COG5: variants seen among roughly 807,000 people sequenced by gnomAD.
COG5 encodes conserved oligomeric Golgi complex subunit 5.
COG5 carries 86 observed loss-of-function variants against 110.4 expected under a neutral mutation model. That is an observed-to-expected ratio of 0.78 (90% CI 0.65 to 0.93). The LOEUF is 0.93. Ranked by LOEUF, COG5 falls within the 40% of genes least tolerant of loss-of-function variation. The probability of loss-of-function intolerance (pLI) is 0.00; values close to 1 mark genes in which losing one functional copy is unlikely to be tolerated. For synonymous variants in COG5, 360 were observed against 334.6 expected (o/e 1.08, Z -0.83); for missense variants, 1,077 against 987.0 (o/e 1.09, Z -1.22).
chr7:107,385,988 TTG>T (rs59992824), intron 7 of COG5, among the ~76,000 whole-genome samples: 22,036 of 144,290 alleles, frequency 0.15, 2,210 homozygotes, highest in African/African-American at 0.29. Flanking sequence ...AAACCAGGTT[TTG>T]TGTGTGTGTG....
rs1399633465 is a variant in COG5, at chr7:107,273,922, G to T, written c.1575+7378C>A. Among the ~76,000 whole-genome samples, 6 of 152,270 alleles carry T rather than the reference G, an allele frequency of 3.9e-5. No individual in the cohort carries two copies. The East Asian group carries it at 1.2e-3, about 29-fold the overall frequency. Reference sequence around the variant, plus strand: ...TTTAGGACAATAAAGATTAGAAAATGTGATAAGAGGTCAACATATATAATT... The same window carrying T: ...TTTAGGACAATAAAGATTAGAAAATTTGATAAGAGGTCAACATATATAATT... On this transcript the variant is annotated intron_variant, in intron 14 of 21. Coordinates refer to ENST00000297135, the MANE Select transcript of COG5 (RefSeq NM_006348.5).
rs540657258 is a variant in COG5, at chr7:107,260,114, CA to C, written c.1576-1732del. On this transcript the variant is annotated intron_variant, in intron 14 of 21. Coordinates refer to ENST00000297135, the MANE Select transcript of COG5 (RefSeq NM_006348.5). ...TATATGAAATAAAAACATGTTTACA[CA>C]AAAATCTGTACACAAATATTCATAG... Among the ~76,000 whole-genome samples the C allele has an allele frequency of 4.2e-3, 554 of 131,890 alleles. 3 individuals are homozygous for C. Among genetic ancestry groups the C allele is most frequent in the African/African-American group, 0.013 (533 of 39,754 alleles). 86.5% of individuals were successfully genotyped at this position (131,890 alleles called of 152,430 possible). A position where few individuals can be genotyped will look rare whatever the true frequency, so the allele number is the denominator to read the frequency against.
intron 7 of COG5, among the ~76,000 whole-genome samples, chr7:107,394,185 G>A (rs1198175311): frequency 1.3e-5 from 2 of 151,210 alleles, no homozygotes; most frequent in Admixed American, 6.6e-5. Flanking sequence ...GCATGGTGTC[G>A]ATCTCCTGAC....
intron 14 of COG5, among the ~76,000 whole-genome samples, chr7:107,280,933 G>T (rs894894281): frequency 6.6e-6 from 1 of 151,848 alleles, no homozygotes; most frequent in African/African-American, 2.4e-5. Flanking sequence ...AATGATATAT[G>T]GAGTTAGTGG....
At chr7:107,449,334 T>C (rs1279348684) in intron 6 of COG5, among the ~76,000 whole-genome samples, 1 of 152,240 alleles carries the variant, frequency 6.6e-6, no homozygotes, top group Non-Finnish European at 1.5e-5. Context: ...TCTGCACATG[T>C]ATCCAAGAAC....
At position 107,235,493 on chromosome 7, in the gene COG5, A is replaced by G. The variant is rs533811725; in HGVS notation, c.2091+957T>C. Among the ~76,000 whole-genome samples, 145 of 152,358 alleles carry G rather than the reference A, an allele frequency of 9.5e-4. 4 individuals are homozygous for G. The South Asian group carries it at 0.021, about 22-fold the overall frequency. On this transcript the variant is annotated intron_variant, in intron 18 of 21. Coordinates refer to ENST00000297135, the MANE Select transcript of COG5 (RefSeq NM_006348.5). Reference sequence around the variant, plus strand: ...GCCAAGGCGGGTGGATCACAAGGTCAGGAGTTTGAGACCAGCTTGGCCAAT... The same window carrying G: ...GCCAAGGCGGGTGGATCACAAGGTCGGGAGTTTGAGACCAGCTTGGCCAAT...
At chr7:107,304,186 C>A (rs1055920488) in intron 11 of COG5, among the ~76,000 whole-genome samples, 3 of 152,164 alleles carry the variant, frequency 2.0e-5, no homozygotes. Flanking sequence ...CCACAGTTTC[C>A]AAAATGTGTA....
At chr7:107,257,988 G>A (rs1803011076) in intron 15 of COG5, among the ~76,000 whole-genome samples, 1 of 152,074 alleles carries the variant, frequency 6.6e-6, no homozygotes, top group Non-Finnish European at 1.5e-5. Context: ...CAATAAGTAT[G>A]AAATATGTAT....
At chr7:107,258,787 T>C (rs1803088426) in intron 14 of COG5, among the ~76,000 whole-genome samples, 1 of 150,790 alleles carries the variant, frequency 6.6e-6, no homozygotes, top group Non-Finnish European at 1.5e-5. Flanking sequence ...ATTCAAATGC[T>C]CAGAAATAAG....
Position 107,554,362 on chromosome 7 carries a change from G to T in COG5, c.235-20C>A, listed in dbSNP as rs1803143485. The T allele has an allele frequency of 2.5e-6, 4 of 1,609,188 alleles. No homozygotes were observed. The highest frequency in any genetic ancestry group is 3.4e-6 in the Non-Finnish European group (4 of 1,175,854). ...AACAACCTGAAAATCAAAAATAAAT[G>T]ATTAGCTTTTGCTCTGTTAGGTATT... On this transcript the variant is annotated intron_variant, in intron 2 of 21. Transcript: ENST00000297135.
At chr7:107,531,652 G>A (rs1456303608) in intron 5 of COG5, among the ~76,000 whole-genome samples, 1 of 144,828 alleles carries the variant, frequency 6.9e-6, no homozygotes, top group Non-Finnish European at 1.5e-5. Flanking sequence ...GGGGGGAGGT[G>A]GGTGTTCTGG....
Position 107,334,782 on chromosome 7 carries a change from GA to G in COG5, c.1027-10262del, listed in dbSNP as rs948470208. Among the ~76,000 whole-genome samples, 95 of 140,378 alleles carry G rather than the reference GA, an allele frequency of 6.8e-4. 1 individual carries two copies. The highest frequency in any genetic ancestry group is 9.9e-4 in the Admixed American group (14 of 14,114). 92.1% of individuals were successfully genotyped at this position (140,378 alleles called of 152,430 possible). ...AAATGGAGTTCTTAAAATTCTGAAA[GA>G]AAAAAAAAAACAGTAATATGCAAAT... On this transcript the variant is annotated intron_variant, in intron 10 of 21. Coordinates refer to ENST00000297135, the MANE Select transcript of COG5 (RefSeq NM_006348.5).
intron 10 of COG5, among the ~76,000 whole-genome samples, chr7:107,359,385 G>A (rs541184874): frequency 1.3e-5 from 2 of 152,332 alleles, no homozygotes; most frequent in South Asian, 2.1e-4. Flanking sequence ...GAGGAAGGCC[G>A]AGGGAGTGTT....
chr7:107,395,076 A>G (rs1262387986), intron 7 of COG5, among the ~76,000 whole-genome samples: 1 of 152,204 alleles, frequency 6.6e-6, no homozygotes, highest in Non-Finnish European at 1.5e-5. Flanking sequence ...GTTGAGTCCA[A>G]CTGATTTTAA....
chr7:107,236,333 GCTTA>G (rs1801188905), intron 18 of COG5, 113 bp downstream of exon 18: 1 of 785,480 alleles, frequency 1.3e-6, no homozygotes, highest in Non-Finnish European at 2.3e-6. Flanking sequence ...GCTTAAGTGG[GCTTA>G]CTTTTCTTTG....
Position 107,275,839 on chromosome 7 carries a change from TAAAAA to T in COG5, c.1575+5456_1575+5460del, listed in dbSNP as rs528625609. 1.2e-3 allele frequency among the ~76,000 whole-genome samples: 179 copies of T among 146,136 alleles called. 2 individuals are homozygous for T. Among genetic ancestry groups the T allele is most frequent in the African/African-American group, 4.3e-3 (171 of 40,040 alleles). On this transcript the variant is annotated intron_variant, in intron 14 of 21. Transcript: ENST00000297135. ...ATACCTGGCCAATACTTTTAGAACTTAAAAAAAAAAAATTGAACTCATATTTGAGC... is the reference window on the plus strand; with the variant it reads ...ATACCTGGCCAATACTTTTAGAACTTAAAAAAATTGAACTCATATTTGAGC...
chr7:107,472,852 C>T (rs546115418), intron 6 of COG5: 23 of 151,852 alleles, frequency 1.5e-4, no homozygotes, highest in Middle Eastern at 3.4e-3. Context: ...AGTTGAAATG[C>T]TGTATTTGAA....
chr7:107,353,746 A>G (rs1812380365), intron 10 of COG5, among the ~76,000 whole-genome samples: 1 of 152,162 alleles, frequency 6.6e-6, no homozygotes, highest in Non-Finnish European at 1.5e-5. Context: ...GTCAAGTTTT[A>G]TTTTATATTC....
At chr7:107,288,905 GAGATATATATATATATAT>G (rs1171418719) in intron 12 of COG5, among the ~76,000 whole-genome samples, 810 of 67,254 alleles carry the variant, frequency 0.012, 20 homozygotes, top group African/African-American at 0.036. Context: ...TTTTCTAACA[GAGATATATATATATATAT>G]ATATATATAT....
Sources: gnomAD v4.1 joint callset for allele counts (sites outside exome capture counted in the v4.1 genomes callset) on GRCh38, gnomAD v4.1.1 for gene constraint, MANE v1.5 for transcripts, NCBI Gene and HGNC (gene_info 2026-07-23, HGNC 2026-07-21) for gene names.